CATSPERE: variants seen among roughly 807,000 people sequenced by gnomAD.
CATSPERE encodes catsper channel auxiliary subunit epsilon.
In CATSPERE, 93 loss-of-function variants were observed where a neutral mutation model predicts 114.1. The ratio of observed to expected loss-of-function variants is 0.81; its 90% CI spans 0.69 to 0.97. The LOEUF (loss-of-function observed/expected upper bound fraction) is 0.97, where lower values mean the gene tolerates loss of function less well. CATSPERE is among the 50% of genes least tolerant of loss of function. CATSPERE has a pLI of 0.00. For missense variants in CATSPERE, 1,058 were observed against 1,131.6 expected, an observed-to-expected ratio of 0.93 and a Z score of 0.93; for synonymous variants, 341 against 384.1, an observed-to-expected ratio of 0.89 and a Z score of 1.31.
chr1:244,583,818 C>G, intron 12 of CATSPERE, 46 bp from the exon 13 acceptor site: 4 of 1,557,820 alleles, frequency 2.6e-6, no homozygotes, highest in Non-Finnish European at 3.5e-6. Context: ...AGTGTCATGC[C>G]TGTCTCTCAC....
chr1:244,602,158 ATAACT>A (rs1669338775), intron 17 of CATSPERE, among the ~76,000 whole-genome samples: 2 of 152,294 alleles, frequency 1.3e-5, no homozygotes, highest in East Asian at 3.9e-4. Context: ...GTTTCTAGAA[ATAACT>A]TATTTGTCTG....
chr1:244,582,994 T>C (rs1240410664), intron 12 of CATSPERE, among the ~76,000 whole-genome samples: 4 of 66,720 alleles, frequency 6.0e-5, no homozygotes, highest in African/African-American at 1.9e-4. Flanking sequence ...TGACAGAGAC[T>C]GATCAGGAAG....
intron 9 of CATSPERE, among the ~76,000 whole-genome samples, chr1:244,555,182 C>T (rs1661384014): frequency 6.6e-6 from 1 of 151,942 alleles, no homozygotes; most frequent in Admixed American, 6.6e-5. Context: ...GTCAGGAGTT[C>T]GAGACCAGCC....
rs556175839 is a variant in CATSPERE at position 244,542,013 on chromosome 1, G to T, written c.537-10309G>T. On this transcript the variant is annotated intron_variant, in intron 8 of 21. Coordinates refer to ENST00000366534, the MANE Select transcript of CATSPERE (RefSeq NM_001130957.2). ...CACACTCTGGGGACTGTTGTGGGGT[G>T]GGGGGAGGGGGGAGGGATAGCATTG... Among the ~76,000 whole-genome samples, 579 of 119,106 alleles carry T rather than the reference G, an allele frequency of 4.9e-3. 3 individuals are homozygous for T. Among genetic ancestry groups the T allele is most frequent in the African/African-American group, 0.018 (559 of 31,326 alleles). The allele number at this position is 119,106 out of a possible 152,430, so 78.1% of individuals were successfully genotyped here. A position where few individuals can be genotyped will look rare whatever the true frequency, so the allele number is the denominator to read the frequency against.
At chr1:244,629,870 C>T (rs536139510) in intron 20 of CATSPERE, among the ~76,000 whole-genome samples, 1 of 151,950 alleles carries the variant, frequency 6.6e-6, no homozygotes, top group African/African-American at 2.4e-5. Context: ...AAACTCCTGA[C>T]CTCAAGCAAT....
chr1:244,526,179 G>C (rs1001904468), intron 8 of CATSPERE, among the ~76,000 whole-genome samples: 1 of 152,134 alleles, frequency 6.6e-6, no homozygotes, highest in African/African-American at 2.4e-5. Context: ...AGGCTGAGGT[G>C]GGCAGACTGC....
intron 6 of CATSPERE, among the ~76,000 whole-genome samples, chr1:244,493,810 CA>C: frequency 6.6e-6 from 1 of 152,286 alleles, no homozygotes; most frequent in East Asian, 1.9e-4. Context: ...AGACACTTCT[CA>C]AAAGAAGACA....
At chr1:244,498,934 G>A (rs1445012997) in intron 6 of CATSPERE, 68 bp from the exon 7 acceptor site, 1 of 1,163,128 alleles carries the variant, frequency 8.6e-7, no homozygotes, top group African/African-American at 1.5e-5. Flanking sequence ...TTATGGTTAT[G>A]TTTTGCCACA....
At chr1:244,483,285 A>T (rs1166262957) in intron 5 of CATSPERE, among the ~76,000 whole-genome samples, 1 of 152,238 alleles carries the variant, frequency 6.6e-6, no homozygotes, top group Non-Finnish European at 1.5e-5. Context: ...TGTGCATTAT[A>T]GTTGGAGAAG....
At chr1:244,598,764 C>A (rs566325519) in intron 17 of CATSPERE, 13 of 167,376 alleles carry the variant, frequency 7.8e-5, no homozygotes, top group African/African-American at 3.1e-4. Context: ...CTGAGATCTC[C>A]CTGACCTCTT....
chr1:244,462,806 G>A (rs1168520912), intron 1 of CATSPERE, among the ~76,000 whole-genome samples: 1 of 152,122 alleles, frequency 6.6e-6, no homozygotes, highest in Non-Finnish European at 1.5e-5. Flanking sequence ...GTATAATTCT[G>A]ATAAGGGAAT....
At chr1:244,576,473 C>G (rs1428341475) in intron 11 of CATSPERE, among the ~76,000 whole-genome samples, 1 of 148,818 alleles carries the variant, frequency 6.7e-6, no homozygotes, top group East Asian at 2.1e-4. Context: ...CGCCATTGCT[C>G]CATCTGCGAG....
chr1:244,491,621 C>CA (rs1472261112), intron 6 of CATSPERE, among the ~76,000 whole-genome samples: 2 of 151,966 alleles, frequency 1.3e-5, no homozygotes, highest in Non-Finnish European at 2.9e-5. Flanking sequence ...AATAGAGACA[C>CA]AAAAAACCCT....
chr1:244,615,083 CG>C (rs1411628866), intron 19 of CATSPERE, among the ~76,000 whole-genome samples: 2 of 151,732 alleles, frequency 1.3e-5, no homozygotes, highest in Non-Finnish European at 2.9e-5. Context: ...AGAGCTGCCC[CG>C]CCACCACCCC....
intron 11 of CATSPERE, among the ~76,000 whole-genome samples, chr1:244,576,332 C>G (rs144840905): frequency 6.6e-6 from 1 of 151,768 alleles, no homozygotes; most frequent in Non-Finnish European, 1.5e-5. Context: ...GTATGGGTCA[C>G]CATTTTGTTG....
upstream of CATSPERE, among the ~76,000 whole-genome samples, chr1:244,456,456 T>G (rs1322394112): frequency 6.6e-6 from 1 of 152,098 alleles, no homozygotes; most frequent in African/African-American, 2.4e-5. Flanking sequence ...ATTAATTGCC[T>G]TAGAAAAATG....
intron 8 of CATSPERE, among the ~76,000 whole-genome samples, chr1:244,519,107 A>C (rs1558415601): frequency 6.6e-6 from 1 of 152,230 alleles, no homozygotes; most frequent in Non-Finnish European, 1.5e-5. Context: ...CACAAGGTAT[A>C]GACAGACTTT....
rs549881036 is a variant in CATSPERE, at chr1:244,577,199, C to T, written c.1950+4427C>T. On this transcript the variant is annotated intron_variant, in intron 11 of 21. Transcript: ENST00000366534. ...CAATTTCTTCAGTGACTTGCTTTAT[C>T]AAAATTTTCCAAAAAAGTCAACTTA... Among the ~76,000 whole-genome samples, 12 of 151,850 alleles carry T rather than the reference C, an allele frequency of 7.9e-5. No individual in the cohort carries two copies. In the East Asian group the frequency reaches 1.9e-3, roughly 24 times the overall value.
At chr1:244,543,033 G>T (rs1007726133) in intron 8 of CATSPERE, among the ~76,000 whole-genome samples, 11 of 152,244 alleles carry the variant, frequency 7.2e-5, no homozygotes, top group African/African-American at 2.4e-4. Context: ...ATTTAATATA[G>T]CCATTATGGG....
Sources: gnomAD v4.1 joint callset for allele counts (sites outside exome capture counted in the v4.1 genomes callset) on GRCh38, gnomAD v4.1.1 for gene constraint, MANE v1.5 for transcripts, NCBI Gene and HGNC (gene_info 2026-07-23, HGNC 2026-07-21) for gene names.